The following TRPM4 variants were observed in gnomAD, a reference collection of about 807,000 sequenced individuals.
TRPM4 encodes the protein transient receptor potential cation channel subfamily M member 4, also known as calcium-activated non-selective cation channel 1.
Under a neutral mutation model 135.6 loss-of-function variants are expected in TRPM4, and 124 were observed. The ratio of observed to expected loss-of-function variants is 0.91; its 90% confidence interval spans 0.79 to 1.06. TRPM4 has a LOEUF of 1.06. TRPM4 is among the 50% of genes least tolerant of loss of function. The pLI, the probability that TRPM4 is intolerant of heterozygous loss-of-function variation, is 0.00. For missense variants in TRPM4, 1,658 were observed against 1,671.4 expected (o/e 0.99, Z 0.14); for synonymous variants, 745 against 705.6 (o/e 1.06, Z -0.88).
intron 12 of TRPM4, among the ~76,000 whole-genome samples, chr19:49,184,452 CTTTTT>C (rs67748057): frequency 2.2e-5 from 1 of 45,476 alleles, no homozygotes; most frequent in Non-Finnish European, 3.7e-5. Context: ...TCTCTGTAGT[CTTTTT>C]TTTTTTTTTT....
rs147197852 is a variant in TRPM4, at chr19:49,198,348, C to T, written c.2645+1474C>T. On this transcript the variant is annotated intron_variant, in intron 17 of 24. Transcript: ENST00000252826. ...CAGGTGAAAAATGGAAAGATCTCAG[C>T]TTAAAAGGGAGAAACGGGCCTGGCG... Among the ~76,000 whole-genome samples the T allele has an allele frequency of 1.0e-3, 153 of 152,190 alleles. 1 individual carries two copies. In the East Asian group the frequency reaches 0.027, roughly 27 times the overall value.
chr19:49,166,003 G>A, intron 2 of TRPM4, 38 bp from the exon 3 acceptor site: 2 of 1,557,682 alleles, frequency 1.3e-6, no homozygotes, highest in East Asian at 2.3e-5. Flanking sequence ...GGGGTCGGGG[G>A]GCAGCCCTGG....
Position 49,193,980 on chromosome 19 carries a change from TTCC to T in TRPM4, c.2211-2455_2211-2453del, listed in dbSNP as rs1407205949. On this transcript the variant is annotated intron_variant, in intron 16 of 24. Coordinates refer to ENST00000252826, the MANE Select transcript of TRPM4 (RefSeq NM_017636.4). ...CCTCTTCCTACTCATCCTCCTCCTCTTCCTCCTTCTCCTCATCCTCTTTCTCTT... is the reference window on the plus strand; with the variant it reads ...CCTCTTCCTACTCATCCTCCTCCTCTTCCTTCTCCTCATCCTCTTTCTCTT... 6.1e-5 allele frequency among the ~76,000 whole-genome samples: 8 copies of T among 130,600 alleles called. No homozygotes were observed. In the East Asian group the frequency reaches 2.0e-3, roughly 33 times the overall value. 85.7% of individuals were successfully genotyped at this position (130,600 alleles called of 152,430 possible). A position where few individuals can be genotyped will look rare whatever the true frequency, so the allele number is the denominator to read the frequency against.
At chr19:49,188,885 C>A (rs1968301779) in intron 13 of TRPM4, 61 bp from the exon 14 acceptor site, 1 of 1,613,260 alleles carries the variant, frequency 6.2e-7, no homozygotes, top group Non-Finnish European at 8.5e-7. Context: ...CTTACCTCTC[C>A]CTTCACACCC....
In TRPM4 at chr19:49,200,740, C is replaced by T. The variant is rs172152859; in HGVS notation, c.2908C>T (p.Pro970Ser). The change falls in exon 19 of 25, where the codon CCC becomes TCC. Residue 970 changes from proline (P) to serine (S), a missense_variant. By Grantham distance (74) the Pro-to-Ser change is moderately conservative. Transcript: ENST00000252826. ...PSILRRVFYR[P>S]YLQIFGQIPQ... Reference sequence around the variant, plus strand: ...TATCCTGCGCCGCGTCTTCTACCGTCCCTACCTGCAGATCTTCGGGCAGAT... The same window carrying T: ...TATCCTGCGCCGCGTCTTCTACCGTTCCTACCTGCAGATCTTCGGGCAGAT... 6.2e-7 allele frequency: 1 copy of T among 1,614,144 alleles called. No individual in the cohort carries two copies. Among genetic ancestry groups the T allele is most frequent in the Admixed American group, 1.7e-5 (1 of 60,020 alleles).
intron 17 of TRPM4, among the ~76,000 whole-genome samples, chr19:49,199,620 T>C (rs1968839248): frequency 6.6e-6 from 1 of 152,112 alleles, no homozygotes; most frequent in South Asian, 2.1e-4. Context: ...ATATACTCCT[T>C]ATACTCTGGA....
chr19:49,170,401 C>A (rs1007068705), intron 6 of TRPM4, among the ~76,000 whole-genome samples: 1 of 151,952 alleles, frequency 6.6e-6, no homozygotes, highest in African/African-American at 2.4e-5. Context: ...GTTGGCCAGG[C>A]TGGTCTTGAA....
intron 12 of TRPM4, among the ~76,000 whole-genome samples, chr19:49,186,854 CAA>C (rs1968214056): frequency 7.0e-6 from 1 of 142,694 alleles, no homozygotes. Flanking sequence ...GCCTGGGCAA[CAA>C]GAGTGAAACT....
chr19:49,201,451 A>G (rs1175809), intron 19 of TRPM4, among the ~76,000 whole-genome samples: 48,789 of 152,134 alleles, frequency 0.32, 8,286 homozygotes, highest in African/African-American at 0.41. Context: ...CTAAATTGTG[A>G]GAGCTAAGAA....
In TRPM4 at chr19:49,196,596, C is replaced by A; in HGVS notation, c.2367C>A (p.Ser789Arg). Residue 789 changes from serine to arginine, a missense_variant, in exon 17 of 25, where the codon AGC (serine) becomes AGA (arginine). Around this residue, in one of 3 missense-constraint regions of TRPM4, gnomAD observed 1,412 missense variants for 1,408.7 expected, o/e 1.00. Coordinates refer to ENST00000252826, the MANE Select transcript of TRPM4 (RefSeq NM_017636.4). ...CCATCTTCATGGGCAACGTGGTCAGCTACCTGCTGTTCCTGCTGCTTTTCT... is the reference window on the plus strand; with the variant it reads ...CCATCTTCATGGGCAACGTGGTCAGATACCTGCTGTTCCTGCTGCTTTTCT... ...PVTIFMGNVVSYLLFLLLFSR... is the reference protein window; with the variant it reads ...PVTIFMGNVVRYLLFLLLFSR... 1 of 1,557,216 alleles carries A rather than the reference C, an allele frequency of 6.4e-7. No homozygotes were observed. The highest frequency in any genetic ancestry group is 8.7e-7 in the Non-Finnish European group (1 of 1,153,680).
intron 20 of TRPM4, among the ~76,000 whole-genome samples, chr19:49,204,106 C>T (rs936459970): frequency 3.9e-5 from 6 of 152,134 alleles, no homozygotes; most frequent in East Asian, 1.9e-4. Context: ...GGCAACAGAG[C>T]GAGACTCCAT....
At chr19:49,185,624 A>G (rs558111777) in intron 12 of TRPM4, among the ~76,000 whole-genome samples, 2 of 152,230 alleles carry the variant, frequency 1.3e-5, no homozygotes, top group African/African-American at 4.8e-5. Flanking sequence ...TGAAAAGTGG[A>G]ACATTTTGAA....
intron 14 of TRPM4, 83 bp downstream of exon 14, chr19:49,189,174 C>T: frequency 1.3e-6 from 2 of 1,582,488 alleles, no homozygotes; most frequent in South Asian, 1.1e-5. Context: ...CCATTGGGAA[C>T]ATCTATGGTC....
chr19:49,193,854 C>T (rs113792194), intron 16 of TRPM4, among the ~76,000 whole-genome samples: 2,304 of 151,664 alleles, frequency 0.015, 56 homozygotes, highest in African/African-American at 0.047. Flanking sequence ...CCTCCTTCTC[C>T]TCCTCCTTCT....
At chr19:49,188,414 C>A (rs1312132227) in intron 12 of TRPM4, among the ~76,000 whole-genome samples, 1 of 152,208 alleles carries the variant, frequency 6.6e-6, no homozygotes, top group East Asian at 1.9e-4. Flanking sequence ...ATTCTAACTG[C>A]AGCCCAGCCC....
Position 49,172,043 on chromosome 19 carries a change from C to T in TRPM4, c.1085C>T (p.Thr362Ile), listed in dbSNP as rs1425262719. 4.3e-6 allele frequency: 7 copies of T among 1,614,048 alleles called. No homozygotes were observed. Among genetic ancestry groups the T allele is most frequent in the Non-Finnish European group, 5.9e-6 (7 of 1,179,950 alleles). The change falls in exon 9 of 25, where the codon ACA (threonine) becomes ATA (isoleucine). Residue 362 changes from threonine to isoleucine, a missense_variant. Transcript: ENST00000252826. Reference protein sequence around the residue: ...ERIMTRKELLTVYSSEDGSEE... With the variant: ...ERIMTRKELLIVYSSEDGSEE... Reference sequence around the variant, plus strand: ...ATTATGACCCGGAAGGAGCTCCTGACAGTCTATTCTTCTGAGGATGGGTCT... The same window carrying T: ...ATTATGACCCGGAAGGAGCTCCTGATAGTCTATTCTTCTGAGGATGGGTCT...
At chr19:49,176,128 TG>T (rs1967684880) in intron 9 of TRPM4, among the ~76,000 whole-genome samples, 1 of 149,134 alleles carries the variant, frequency 6.7e-6, no homozygotes. Context: ...TTCGCCATGT[TG>T]GCCAGGCTGG....
At chr19:49,193,027 T>C (rs193009031) in intron 16 of TRPM4, among the ~76,000 whole-genome samples, 5 of 151,828 alleles carry the variant, frequency 3.3e-5, no homozygotes, top group Admixed American at 3.3e-4. Flanking sequence ...GCTGATGTTA[T>C]GAAACACGTA....
At chr19:49,190,434 G>A in intron 15 of TRPM4, 114 bp downstream of exon 15, 1 of 999,548 alleles carries the variant, frequency 1.0e-6, no homozygotes. Context: ...CCTTCCCTAG[G>A]AATGGGACTC....
Sources: allele counts gnomAD v4.1 joint callset (sites outside exome capture counted in the v4.1 genomes callset), GRCh38; gene constraint gnomAD v4.1.1; regional missense constraint gnomAD v4.1.1; transcripts MANE v1.5; gene names NCBI Gene and HGNC (gene_info 2026-07-23, HGNC 2026-07-21).